The following RGS7 variants were observed in gnomAD, a reference collection of about 807,000 sequenced individuals.
RGS7 encodes regulator of G protein signaling 7, also known as regulator of G-protein signaling 7.
Under a neutral mutation model 81.1 loss-of-function variants are expected in RGS7, and 27 were observed. The ratio of observed to expected loss-of-function variants is 0.33; its 90% CI spans 0.25 to 0.46. RGS7 has a LOEUF of 0.46. RGS7 is among the 20% of genes least tolerant of loss of function. RGS7 has a pLI of 1.00. For synonymous variants in RGS7, 208 were observed against 207.7 expected, an observed-to-expected ratio of 1.00 and a Z score of -0.01; for missense variants, 396 against 607.4, an observed-to-expected ratio of 0.65 and a Z score of 3.66.
chr1:240,949,312 T>C (rs918883619), intron 4 of RGS7, among the ~76,000 whole-genome samples: 1 of 152,234 alleles, frequency 6.6e-6, no homozygotes, highest in Non-Finnish European at 1.5e-5. Flanking sequence ...TACCAGGTTT[T>C]ATTAATTTAC....
intron 2 of RGS7, among the ~76,000 whole-genome samples, chr1:241,327,047 G>GGAGGGAGGGAGGGAGGGAGGGAGA: frequency 2.6e-5 from 1 of 38,730 alleles, no homozygotes; most frequent in African/African-American, 1.0e-4. Flanking sequence ...AGGGAGGGAG[G>GGAGGGAGGGAGGGAGGGAGGGAGA]GGAAAGGAAG....
chr1:241,115,583 C>T (rs1455673016), intron 2 of RGS7, among the ~76,000 whole-genome samples: 4 of 152,144 alleles, frequency 2.6e-5, no homozygotes, highest in Non-Finnish European at 4.4e-5. Context: ...TGTAACATAA[C>T]GTGGGGCGAA....
intron 6 of RGS7, among the ~76,000 whole-genome samples, chr1:240,923,204 AG>A (rs1451500228): frequency 1.3e-5 from 2 of 152,078 alleles, no homozygotes; most frequent in African/African-American, 4.8e-5. Context: ...ATGGATAAAT[AG>A]GCAGAACACA....
intron 2 of RGS7, among the ~76,000 whole-genome samples, chr1:241,152,383 C>T (rs10926420): frequency 0.19 from 29,136 of 152,060 alleles, 7,064 homozygotes; most frequent in African/African-American, 0.57. Context: ...GTTGAAAATA[C>T]GATCATTCAT....
chr1:241,356,641 G>A (rs2083591833), intron 1 of RGS7, among the ~76,000 whole-genome samples: 1 of 152,042 alleles, frequency 6.6e-6, no homozygotes, highest in African/African-American at 2.4e-5. Flanking sequence ...CCCCTTGCTC[G>A]CTCTCACGGC....
At chr1:241,290,485 C>A (rs1442201946) in intron 2 of RGS7, among the ~76,000 whole-genome samples, 1 of 152,154 alleles carries the variant, frequency 6.6e-6, no homozygotes, top group Non-Finnish European at 1.5e-5. Flanking sequence ...AAATAAAAAT[C>A]ATTCGTTTCA....
At chr1:241,015,583 T>C (rs1489296519) in intron 3 of RGS7, among the ~76,000 whole-genome samples, 2 of 152,188 alleles carry the variant, frequency 1.3e-5, no homozygotes, top group African/African-American at 4.8e-5. Flanking sequence ...TTGTGCATTT[T>C]AGAGTAAATG....
At chr1:240,817,895 G>A (rs535761767) in intron 10 of RGS7, among the ~76,000 whole-genome samples, 34 of 152,146 alleles carry the variant, frequency 2.2e-4, no homozygotes, top group Admixed American at 1.4e-3. Context: ...GAGCCACCGC[G>A]CCTGGCCTCC....
At chr1:241,161,634 A>G (rs1258576934) in intron 2 of RGS7, among the ~76,000 whole-genome samples, 1 of 150,828 alleles carries the variant, frequency 6.6e-6, no homozygotes, top group Non-Finnish European at 1.5e-5. Context: ...TCTCATTTCT[A>G]TAAGTGCCAG....
intron 4 of RGS7, among the ~76,000 whole-genome samples, chr1:240,972,715 A>C (rs1558542462): frequency 8.5e-6 from 1 of 117,882 alleles, no homozygotes; most frequent in Non-Finnish European, 1.9e-5. Context: ...AAAAAACAAA[A>C]AAAAAAACCC....
intron 2 of RGS7, among the ~76,000 whole-genome samples, chr1:241,211,484 G>A (rs2074240400): frequency 6.6e-6 from 1 of 152,182 alleles, no homozygotes; most frequent in Admixed American, 6.5e-5. Flanking sequence ...AGCAACACGA[G>A]GTGGTGGGAC....
chr1:240,935,300 T>C (rs1466626544), intron 5 of RGS7, among the ~76,000 whole-genome samples: 1 of 152,156 alleles, frequency 6.6e-6, no homozygotes, highest in African/African-American at 2.4e-5. Flanking sequence ...TCAGGAAGCA[T>C]TAGTCACATA....
At chr1:240,783,796 C>T (rs2102979027) in intron 18 of RGS7, among the ~76,000 whole-genome samples, 1 of 152,000 alleles carries the variant, frequency 6.6e-6, no homozygotes, top group East Asian at 1.9e-4. Context: ...ACATTCTTCT[C>T]CTGCAATCCC....
At chr1:241,270,924 A>AT (rs1305688963) in intron 2 of RGS7, among the ~76,000 whole-genome samples, 15 of 151,858 alleles carry the variant, frequency 9.9e-5, no homozygotes, top group African/African-American at 2.9e-4. Context: ...ACGCCCGCTA[A>AT]TTTTTTGTAT....
intron 6 of RGS7, among the ~76,000 whole-genome samples, chr1:240,922,956 G>C (rs968698721): frequency 1.3e-5 from 2 of 152,080 alleles, no homozygotes; most frequent in African/African-American, 4.8e-5. Flanking sequence ...AATTGATTAA[G>C]ATGTTCTTCA....
intron 3 of RGS7, among the ~76,000 whole-genome samples, chr1:241,085,719 C>A: frequency 6.6e-6 from 1 of 152,188 alleles, no homozygotes; most frequent in East Asian, 1.9e-4. Flanking sequence ...CAGGCGTGAG[C>A]CACCACACCT....
At chr1:241,291,656 G>A (rs1450103031) in intron 2 of RGS7, among the ~76,000 whole-genome samples, 1 of 143,322 alleles carries the variant, frequency 7.0e-6, no homozygotes, top group Non-Finnish European at 1.5e-5. Context: ...TCGGCTCACT[G>A]AAACCTCTGT....
chr1:241,256,355 G>A (rs1367752175), intron 2 of RGS7, among the ~76,000 whole-genome samples: 1 of 152,096 alleles, frequency 6.6e-6, no homozygotes, highest in African/African-American at 2.4e-5. Context: ...TCAACACCTG[G>A]CATGATTTCA....
chr1:240,931,666 G>C (rs1000288622), intron 5 of RGS7, among the ~76,000 whole-genome samples: 7 of 151,950 alleles, frequency 4.6e-5, no homozygotes, highest in Admixed American at 3.9e-4. Flanking sequence ...TTTCTCTAAA[G>C]TTTTAAACTG....
Sources: allele counts gnomAD v4.1 joint callset (sites outside exome capture counted in the v4.1 genomes callset), GRCh38; gene constraint gnomAD v4.1.1; transcripts MANE v1.5; gene names NCBI Gene and HGNC (gene_info 2026-07-23, HGNC 2026-07-21).